The following PAMR1 variants were observed in gnomAD, a reference collection of about 807,000 sequenced individuals.
The protein encoded by PAMR1 is inactive serine protease PAMR1.
A neutral mutation model predicts 81.8 loss-of-function variants in PAMR1; 88 were observed. The ratio of observed to expected loss-of-function variants is 1.08; its 90% CI spans 0.91 to 1.28. The LOEUF (loss-of-function observed/expected upper bound fraction) is 1.28. PAMR1 is among the 50% of genes most tolerant of loss of function. The pLI is 0.00. For synonymous variants in PAMR1, 336 were observed against 345.3 expected (o/e 0.97, Z 0.30); for missense variants, 935 against 919.7 (o/e 1.02, Z -0.21).
chr11:35,513,112 TG>T (rs1433768820), intron 1 of PAMR1, among the ~76,000 whole-genome samples: 1 of 152,254 alleles, frequency 6.6e-6, no homozygotes, highest in Admixed American at 6.5e-5. Context: ...AACAGAGCTC[TG>T]CTTCCAATAG....
chr11:35,463,125 T>A (rs1406703866), intron 6 of PAMR1, among the ~76,000 whole-genome samples: 1 of 152,226 alleles, frequency 6.6e-6, no homozygotes, highest in Non-Finnish European at 1.5e-5. Context: ...CATGTTTTCA[T>A]GAACACCCCA....
intron 8 of PAMR1, among the ~76,000 whole-genome samples, chr11:35,436,639 T>TTC (rs1005205867): frequency 4.2e-4 from 57 of 136,304 alleles, no homozygotes; most frequent in African/African-American, 1.4e-3. Flanking sequence ...GTCTCTCTGT[T>TTC]TCTCTCTCTC....
chr11:35,442,541 G>A (rs1441738688), intron 6 of PAMR1, among the ~76,000 whole-genome samples: 3 of 151,896 alleles, frequency 2.0e-5, no homozygotes, highest in Admixed American at 2.0e-4. Flanking sequence ...TACTTGATTT[G>A]GGTACCAATC....
intron 6 of PAMR1, among the ~76,000 whole-genome samples, chr11:35,443,521 C>T (rs747405375): frequency 2.0e-5 from 3 of 152,126 alleles, no homozygotes; most frequent in Non-Finnish European, 4.4e-5. Context: ...CATCCATGTC[C>T]CTGCAATGGA....
At chr11:35,459,579 G>C (rs1353996549) in intron 6 of PAMR1, among the ~76,000 whole-genome samples, 1 of 152,132 alleles carries the variant, frequency 6.6e-6, no homozygotes, top group Non-Finnish European at 1.5e-5. Context: ...GGGCATTTCT[G>C]TTCTGTTTAG....
At chr11:35,464,705 C>A (rs1278249438) in intron 6 of PAMR1, among the ~76,000 whole-genome samples, 1 of 152,232 alleles carries the variant, frequency 6.6e-6, no homozygotes, top group Non-Finnish European at 1.5e-5. Flanking sequence ...GAAGAATATC[C>A]TCCAAGTTCT....
intron 7 of PAMR1, 66 bp from the exon 8 acceptor site, chr11:35,439,759 A>C: frequency 7.2e-7 from 1 of 1,383,384 alleles, no homozygotes. Context: ...CATTCAGTTC[A>C]GATTCATACC....
At chr11:35,528,722 AAGT>A (rs1463041049), upstream of PAMR1, among the ~76,000 whole-genome samples, 1 of 152,170 alleles carries the variant, frequency 6.6e-6, no homozygotes, top group Non-Finnish European at 1.5e-5. Context: ...TTTGCTAAGG[AAGT>A]CCCTGGTACC....
chr11:35,524,947 A>G (rs1851356909), intron 1 of PAMR1, among the ~76,000 whole-genome samples: 1 of 152,174 alleles, frequency 6.6e-6, no homozygotes, highest in Admixed American at 6.5e-5. Flanking sequence ...TCTCACTCTC[A>G]TCAGAAAGGA....
chr11:35,454,744 G>T lies in PAMR1; in HGVS notation c.821-13051C>A, dbSNP rs546165923. ...CAGGGTCTGTGTGCAGCACTCCTAG[G>T]CAGTGAAAAGATCTTGGGGAGTATG... On this transcript the variant is annotated intron_variant, in intron 6 of 10. Coordinates refer to ENST00000619888, the MANE Select transcript of PAMR1 (RefSeq NM_001001991.3). Among the ~76,000 whole-genome samples the T allele has an allele frequency of 2.6e-5, 4 of 152,304 alleles. No individual in the cohort carries two copies. In the East Asian group the frequency reaches 7.7e-4, roughly 29 times the overall value.
intron 3 of PAMR1, among the ~76,000 whole-genome samples, chr11:35,482,583 G>A (rs1439431525): frequency 6.6e-6 from 1 of 152,140 alleles, no homozygotes; most frequent in Non-Finnish European, 1.5e-5. Flanking sequence ...GAATGTCAAT[G>A]ATAGTTTGAT....
At chr11:35,466,821 G>A (rs998838967) in intron 6 of PAMR1, among the ~76,000 whole-genome samples, 1 of 150,620 alleles carries the variant, frequency 6.6e-6, no homozygotes, top group African/African-American at 2.4e-5. Context: ...GCTGTTAGAT[G>A]ACCACAGAGT....
intron 1 of PAMR1, among the ~76,000 whole-genome samples, chr11:35,517,239 T>A (rs536007760): frequency 6.6e-6 from 1 of 152,222 alleles, no homozygotes; most frequent in Non-Finnish European, 1.5e-5. Flanking sequence ...CCCAAATTGA[T>A]TAGTGCTGGC....
chr11:35,441,758 T>A, intron 6 of PAMR1, 65 bp from the exon 7 acceptor site: 2 of 1,100,892 alleles, frequency 1.8e-6, no homozygotes, highest in Non-Finnish European at 2.6e-6. Flanking sequence ...TAGAATAGAA[T>A]CTTTCATGTT....
intron 3 of PAMR1, among the ~76,000 whole-genome samples, chr11:35,483,845 A>G (rs556496266): frequency 1.4e-4 from 22 of 152,186 alleles, no homozygotes; most frequent in Non-Finnish European, 2.2e-4. Context: ...AGATTTAAAC[A>G]TGAATTCTCT....
Position 35,432,553 on chromosome 11 carries a change from C to A in PAMR1, c.1966G>T (p.Ala656Ser). The A allele has an allele frequency of 1.9e-6, 3 of 1,614,216 alleles. No homozygotes were observed. In the East Asian group the frequency reaches 6.7e-5, roughly 36 times the overall value. Residue 656 changes from alanine (A) to serine (S), a missense_variant, in exon 11 of 11, where the codon GCC becomes TCC. By Grantham distance (99) the Ala-to-Ser change is moderately conservative (BLOSUM62 1). Transcript: ENST00000619888. Reference sequence around the variant, plus strand: ...TCTGCAGTGCAGATATCAGAAGGGGCAGTGGGTTCCCAGCTGGCACAGAAC... The same window carrying A: ...TCTGCAGTGCAGATATCAGAAGGGGAAGTGGGTTCCCAGCTGGCACAGAAC... The part of the protein sequence containing the change: ...NMFCASWEPT[A>S]PSDICTAETG...
chr11:35,478,712 C>T (rs918841273), intron 3 of PAMR1, among the ~76,000 whole-genome samples: 2 of 152,174 alleles, frequency 1.3e-5, no homozygotes, highest in African/African-American at 2.4e-5. Flanking sequence ...AAGGAAGTAT[C>T]GTTGGCCAAC....
At chr11:35,450,165 A>G (rs1274296191) in intron 6 of PAMR1, among the ~76,000 whole-genome samples, 2 of 130,994 alleles carry the variant, frequency 1.5e-5, no homozygotes, top group African/African-American at 5.8e-5. Context: ...AAAAATCTCT[A>G]TTCAGATAAC....
intron 1 of PAMR1, among the ~76,000 whole-genome samples, chr11:35,524,048 C>G (rs1851335711): frequency 6.6e-6 from 1 of 152,166 alleles, no homozygotes; most frequent in Non-Finnish European, 1.5e-5. Context: ...ATCAAATCCA[C>G]TGAGCCCTGG....
Sources: allele counts gnomAD v4.1 joint callset (sites outside exome capture counted in the v4.1 genomes callset), GRCh38; gene constraint gnomAD v4.1.1; transcripts MANE v1.5; gene names NCBI Gene and HGNC (gene_info 2026-07-23, HGNC 2026-07-21).